The following SLC30A6 variants were observed in gnomAD, a reference collection of about 807,000 sequenced individuals.
SLC30A6 encodes the protein solute carrier family 30 member 6.
Under a neutral mutation model 63.0 loss-of-function variants are expected in SLC30A6, and 55 were observed. The observed-to-expected ratio is 0.87, with a 90% CI of 0.70 to 1.09. The LOEUF is 1.09. SLC30A6 is among the 50% of genes least tolerant of loss of function. SLC30A6 has a pLI of 0.00. For missense variants in SLC30A6, 587 were observed against 549.2 expected (o/e 1.07, Z -0.69); for synonymous variants, 224 against 186.1 (o/e 1.20, Z -1.66).
chr2:32,168,342 T>C (rs943462340), intron 1 of SLC30A6, among the ~76,000 whole-genome samples: 5 of 150,996 alleles, frequency 3.3e-5, no homozygotes, highest in Admixed American at 1.3e-4. Context: ...AAATAAATAT[T>C]TTAAAATAAA....
At chr2:32,210,981 C>T (rs894802836) in intron 13 of SLC30A6, among the ~76,000 whole-genome samples, 3 of 152,120 alleles carry the variant, frequency 2.0e-5, no homozygotes, top group African/African-American at 4.8e-5. Flanking sequence ...TTAGGAGTTA[C>T]CTATGGGGCA....
In SLC30A6 at chr2:32,220,582, C is replaced by G. The variant is rs1284236564; in HGVS notation, c.1255C>G (p.Pro419Ala). The G allele has an allele frequency of 6.2e-7, 1 of 1,614,092 alleles. No homozygotes were observed. The highest frequency in any genetic ancestry group is 1.3e-5 in the African/African-American group (1 of 74,940). Residue 419 changes from proline to alanine, a missense_variant, in exon 14 of 14, where the codon CCT (proline) becomes GCT (alanine). Transcript: ENST00000282587. Reference protein sequence around the residue: ...YGFGLNHGHTPYSSMLNQGLG... With the variant: ...YGFGLNHGHTAYSSMLNQGLG... ...TTTTGGTCTCAATCATGGACACACACCTTACAGCAGCATGCTTAATCAAGG... is the reference window on the plus strand; with the variant it reads ...TTTTGGTCTCAATCATGGACACACAGCTTACAGCAGCATGCTTAATCAAGG...
chr2:32,188,632 T>C (rs1683045591), intron 5 of SLC30A6, among the ~76,000 whole-genome samples: 1 of 152,144 alleles, frequency 6.6e-6, no homozygotes, highest in Non-Finnish European at 1.5e-5. Flanking sequence ...AGGCGGAGAC[T>C]GCAGTGAGCC....
Position 32,209,523 on chromosome 2 carries a change from C to T in SLC30A6, c.847C>T (p.Arg283Ter), listed in dbSNP as rs749457371. Residue 283 changes from arginine (R) to a stop codon, truncating the protein, a stop_gained, in exon 13 of 14, where the codon CGA becomes TGA. Coordinates refer to ENST00000282587, the MANE Select transcript of SLC30A6 (RefSeq NM_017964.5). LOFTEE classifies it high-confidence loss of function. ...VSTLDGVLEV[R>*]NEHFWTLGFG... is the part of the protein sequence containing the mutation. ...TACCTTAGATGGAGTTTTAGAAGTC[C>T]GAAATGAACATTTTTGGACCCTAGG... The T allele has an allele frequency of 1.2e-6, 2 of 1,612,662 alleles. No homozygotes were observed. The highest frequency in any genetic ancestry group is 1.3e-5 in the African/African-American group (1 of 74,868).
chr2:32,220,168 G>C lies in SLC30A6; in HGVS notation c.886-45G>C, dbSNP rs1197813333. The C allele has an allele frequency of 5.1e-6, 8 of 1,555,894 alleles. No homozygotes were observed. In the East Asian group the frequency reaches 1.8e-4, roughly 35 times the overall value. Reference sequence around the variant, plus strand: ...GTTTTATCTAATGAATTTTTTGTTAGTATAATTCTAAGCAATCTCTTTGTT... The same window carrying C: ...GTTTTATCTAATGAATTTTTTGTTACTATAATTCTAAGCAATCTCTTTGTT... On this transcript the variant is annotated intron_variant, in intron 13 of 13. Transcript: ENST00000282587.
At chr2:32,201,660 G>A (rs1194928298) in intron 10 of SLC30A6, 2 of 1,509,878 alleles carry the variant, frequency 1.3e-6, no homozygotes, top group Non-Finnish European at 1.8e-6. Context: ...GGAGGAGTCC[G>A]AGAGCCAGAA....
chr2:32,184,625 C>G (rs542907628), intron 5 of SLC30A6, among the ~76,000 whole-genome samples: 1 of 151,956 alleles, frequency 6.6e-6, no homozygotes, highest in Admixed American at 6.6e-5. Flanking sequence ...ATTAGCCAGG[C>G]GTGGTGGCAT....
At chr2:32,178,841 G>A (rs574443421) in intron 4 of SLC30A6, among the ~76,000 whole-genome samples, 1 of 152,274 alleles carries the variant, frequency 6.6e-6, no homozygotes, top group East Asian at 1.9e-4. Context: ...GGAAAGTGTG[G>A]ATATTCCAGC....
At chr2:32,190,915 G>A (rs985645515) in intron 5 of SLC30A6, among the ~76,000 whole-genome samples, 8 of 152,262 alleles carry the variant, frequency 5.3e-5, no homozygotes, top group East Asian at 1.9e-4. Context: ...GAGTCACCGC[G>A]CCTGGCTCTT....
chr2:32,170,946 A>C (rs940160110), intron 1 of SLC30A6, among the ~76,000 whole-genome samples: 5 of 152,172 alleles, frequency 3.3e-5, no homozygotes, highest in Admixed American at 3.3e-4. Context: ...TTTCCAGTAG[A>C]GCTATTTGGC....
intron 13 of SLC30A6, among the ~76,000 whole-genome samples, chr2:32,215,253 G>A (rs181713966): frequency 7.1e-4 from 108 of 152,010 alleles, no homozygotes; most frequent in African/African-American, 2.4e-3. Flanking sequence ...GGAGTGTAGC[G>A]ACATGATCTT....
At chr2:32,167,415 A>G (rs1453535814) in intron 1 of SLC30A6, among the ~76,000 whole-genome samples, 1 of 143,954 alleles carries the variant, frequency 6.9e-6, no homozygotes, top group African/African-American at 2.6e-5. Context: ...GCATACATGT[A>G]TGCAACATCC....
chr2:32,173,375 C>CTTT (rs1193864679), intron 2 of SLC30A6, among the ~76,000 whole-genome samples: 1 of 141,308 alleles, frequency 7.1e-6, no homozygotes, highest in Non-Finnish European at 1.6e-5. Flanking sequence ...AAAGTCAGTA[C>CTTT]TTTTTTTTTT....
At chr2:32,173,241 C>A (rs1475264754) in intron 2 of SLC30A6, among the ~76,000 whole-genome samples, 2 of 152,100 alleles carry the variant, frequency 1.3e-5, no homozygotes, top group East Asian at 3.8e-4. Flanking sequence ...AAACACATAC[C>A]AGTTAGGTAC....
At chr2:32,202,631 C>A in intron 10 of SLC30A6, 2 of 542,076 alleles carry the variant, frequency 3.7e-6, no homozygotes, top group Non-Finnish European at 3.5e-6. Context: ...GTGCCCAGCT[C>A]TGATTGGATC....
At chr2:32,174,548 ATTT>A (rs11432136) in intron 3 of SLC30A6, among the ~76,000 whole-genome samples, 5 of 92,258 alleles carry the variant, frequency 5.4e-5, no homozygotes, top group Non-Finnish European at 9.4e-5. Flanking sequence ...CTATCTGGAG[ATTT>A]TTTTTTTTTT....
chr2:32,202,193 C>G, intron 10 of SLC30A6: 1 of 800,360 alleles, frequency 1.2e-6, no homozygotes. Flanking sequence ...TCTCTCTTTC[C>G]TGTTCAAGTT....
chr2:32,200,255 C>T (rs1393011679), intron 10 of SLC30A6, among the ~76,000 whole-genome samples: 1 of 151,960 alleles, frequency 6.6e-6, no homozygotes, highest in African/African-American at 2.4e-5. Flanking sequence ...CATTCTTATC[C>T]ATTGCTAGTT....
intron 11 of SLC30A6, 85 bp downstream of exon 11, chr2:32,204,777 A>T: frequency 4.5e-5 from 23 of 514,858 alleles, no homozygotes; most frequent in Non-Finnish European, 6.6e-5. Context: ...GTTCTACAAG[A>T]TTGTGAAATT....
Sources: gnomAD v4.1 joint callset for allele counts (sites outside exome capture counted in the v4.1 genomes callset) on GRCh38, gnomAD v4.1.1 for gene constraint, MANE v1.5 for transcripts, NCBI Gene and HGNC (gene_info 2026-07-23, HGNC 2026-07-21) for gene names.